The following BAZ2B variants were observed in gnomAD, a reference collection of about 807,000 sequenced individuals.
BAZ2B encodes bromodomain adjacent to zinc finger domain protein 2B.
BAZ2B carries 91 observed loss-of-function variants against 246.0 expected under a neutral mutation model. That is an observed-to-expected ratio of 0.37 (90% CI 0.31 to 0.44). The LOEUF is 0.44. BAZ2B is among the 20% of genes least tolerant of loss of function. The pLI, the probability that BAZ2B is intolerant of heterozygous loss-of-function variation, is 1.00. For synonymous variants in BAZ2B, 855 were observed against 860.0 expected (o/e 0.99, Z 0.10); for missense variants, 2,332 against 2,533.7 (o/e 0.92, Z 1.71).
the BAZ2B span, among the ~76,000 whole-genome samples, chr2:159,627,531 C>T: frequency 2.0e-5 from 3 of 152,060 alleles, no homozygotes; most frequent in South Asian, 2.1e-4. Flanking sequence ...AATCAATAAA[C>T]GTAATCCATC....
intron 2 of BAZ2B, among the ~76,000 whole-genome samples, chr2:159,547,600 G>C (rs2087554880): frequency 6.6e-6 from 1 of 152,072 alleles, no homozygotes; most frequent in Non-Finnish European, 1.5e-5. Context: ...AAGTGTGAGT[G>C]GAAGAAAACA....
chr2:159,586,952 C>G (rs912278652), intron 1 of BAZ2B, among the ~76,000 whole-genome samples: 1 of 152,162 alleles, frequency 6.6e-6, no homozygotes, highest in African/African-American at 2.4e-5. Flanking sequence ...AGTACATCTT[C>G]CAGAATGCCA....
At chr2:159,661,061 T>C in the BAZ2B span, among the ~76,000 whole-genome samples, 1 of 152,296 alleles carries the variant, frequency 6.6e-6, no homozygotes, top group African/African-American at 2.4e-5. Flanking sequence ...AAAAAGTTTT[T>C]TCATCCCTTT....
At chr2:159,607,171 T>G (rs1693703594) in intron 1 of BAZ2B, among the ~76,000 whole-genome samples, 1 of 152,118 alleles carries the variant, frequency 6.6e-6, no homozygotes, top group African/African-American at 2.4e-5. Flanking sequence ...TTTGTCCTTA[T>G]GGATATGCCC....
intron 2 of BAZ2B, among the ~76,000 whole-genome samples, chr2:159,555,216 C>T (rs1251004520): frequency 1.3e-5 from 2 of 151,698 alleles, no homozygotes; most frequent in East Asian, 1.9e-4. Context: ...TTCAGCCTCC[C>T]GAGTAGCTGG....
intron 21 of BAZ2B, 63 bp from the exon 22 acceptor site, chr2:159,386,670 CGT>C: frequency 2.0e-6 from 3 of 1,464,466 alleles, no homozygotes; most frequent in Non-Finnish European, 2.7e-6. Context: ...GCCATGATTT[CGT>C]ATCTTCTAAA....
the BAZ2B span, among the ~76,000 whole-genome samples, chr2:159,660,809 G>C: frequency 3.3e-5 from 5 of 152,074 alleles, no homozygotes; most frequent in Non-Finnish European, 5.9e-5. Flanking sequence ...TGTTGGTCAG[G>C]CTGGTCTTGA....
At chr2:159,336,138 G>C (rs1037467355) in intron 33 of BAZ2B, among the ~76,000 whole-genome samples, 1 of 152,196 alleles carries the variant, frequency 6.6e-6, no homozygotes, top group Non-Finnish European at 1.5e-5. Flanking sequence ...TCCAGCCTGG[G>C]TGAGCGAGAC....
the BAZ2B span, among the ~76,000 whole-genome samples, chr2:159,647,731 A>C: frequency 6.6e-6 from 1 of 152,174 alleles, no homozygotes; most frequent in African/African-American, 2.4e-5. Context: ...CAATAAAATA[A>C]AAAAATCATC....
chr2:159,577,838 A>G (rs1253019288), intron 1 of BAZ2B, among the ~76,000 whole-genome samples: 1 of 152,200 alleles, frequency 6.6e-6, no homozygotes, highest in African/African-American at 2.4e-5. Flanking sequence ...ACACACTGAA[A>G]CTTATAATAC....
intron 2 of BAZ2B, among the ~76,000 whole-genome samples, chr2:159,480,589 C>T (rs1461097409): frequency 6.6e-6 from 1 of 152,054 alleles, no homozygotes; most frequent in African/African-American, 2.4e-5. Flanking sequence ...CGTGCACACA[C>T]ACACACACAC....
chr2:159,399,793 G>A (rs1228757550), intron 17 of BAZ2B, among the ~76,000 whole-genome samples: 1 of 152,112 alleles, frequency 6.6e-6, no homozygotes, highest in African/African-American at 2.4e-5. Flanking sequence ...CCGGAATGGT[G>A]GAGAAGTTGT....
At position 159,386,503 on chromosome 2, in the gene BAZ2B, C is replaced by T; in HGVS notation, c.3321G>A (p.Leu1107=). ...VQFLRNFGKV[L]GFDVNIDVPN... ...GAACATCAATATTCACATCAAAGCCCAAAACTTTACCAAAGTTTCGTAAGA... is the reference window on the plus strand; with the variant it reads ...GAACATCAATATTCACATCAAAGCCTAAAACTTTACCAAAGTTTCGTAAGA... The change falls in exon 22 of 37, where the codon TTG becomes TTA. Residue 1107 remains leucine (L), a synonymous_variant. Coordinates refer to ENST00000392783, the MANE Select transcript of BAZ2B (RefSeq NM_013450.4). 1 of 1,613,438 alleles carries T rather than the reference C, an allele frequency of 6.2e-7. No homozygotes were observed. The highest frequency in any genetic ancestry group is 1.1e-5 in the South Asian group (1 of 91,046).
intron 31 of BAZ2B, among the ~76,000 whole-genome samples, chr2:159,345,074 G>A (rs1222610392): frequency 6.6e-6 from 1 of 152,012 alleles, no homozygotes; most frequent in Non-Finnish European, 1.5e-5. Context: ...GCTGGGCTTG[G>A]TGGGGCATGC....
At chr2:159,695,862 C>G in the BAZ2B span, among the ~76,000 whole-genome samples, 173 of 152,144 alleles carry the variant, frequency 1.1e-3, no homozygotes, top group Non-Finnish European at 2.0e-3. Context: ...TCAAGTGATT[C>G]TCCTGCCACA....
intron 2 of BAZ2B, among the ~76,000 whole-genome samples, chr2:159,530,986 CA>C (rs1232339618): frequency 6.6e-6 from 1 of 151,868 alleles, no homozygotes; most frequent in African/African-American, 2.4e-5. Context: ...AACAAACAAA[CA>C]AAAAGCAAAT....
At chr2:159,466,786 G>A (rs2077114948) in intron 3 of BAZ2B, among the ~76,000 whole-genome samples, 1 of 152,182 alleles carries the variant, frequency 6.6e-6, no homozygotes, top group Non-Finnish European at 1.5e-5. Flanking sequence ...AGATCAATCA[G>A]TCAGGCAAAG....
chr2:159,371,167 A>G (rs1163912692), intron 27 of BAZ2B, among the ~76,000 whole-genome samples: 8 of 151,932 alleles, frequency 5.3e-5, no homozygotes. Flanking sequence ...TTTTTGAGAC[A>G]GGGCCCGCTC....
chr2:159,491,971 C>T (rs2080558849), intron 2 of BAZ2B, among the ~76,000 whole-genome samples: 1 of 152,050 alleles, frequency 6.6e-6, no homozygotes, highest in Non-Finnish European at 1.5e-5. Flanking sequence ...TCCTCTTTCC[C>T]CATGAACCAA....
Sources: allele counts gnomAD v4.1 joint callset (sites outside exome capture counted in the v4.1 genomes callset), GRCh38; gene constraint gnomAD v4.1.1; transcripts MANE v1.5; gene names NCBI Gene and HGNC (gene_info 2026-07-23, HGNC 2026-07-21).